Variants in ANKRD40 observed in about 807,000 individuals in gnomAD.
ANKRD40 encodes the protein ankyrin repeat domain 40, also known as ankyrin repeat domain-containing protein 40.
In ANKRD40, 24 loss-of-function variants were observed where a neutral mutation model predicts 35.5. That is an observed-to-expected ratio of 0.68 (90% CI 0.49 to 0.95). ANKRD40 has a LOEUF of 0.95. ANKRD40 is among the 40% of genes least tolerant of loss of function. The pLI is 0.00. For synonymous variants in ANKRD40, 147 were observed against 173.5 expected (o/e 0.85, Z 1.20); for missense variants, 361 against 436.0 (o/e 0.83, Z 1.53).
At position 50,707,725 on chromosome 17, in the gene ANKRD40, C is replaced by G; in HGVS notation, c.-71G>C. The G allele has an allele frequency of 8.8e-7, 1 of 1,137,934 alleles. No homozygotes were observed. Among genetic ancestry groups the G allele is most frequent in the Non-Finnish European group, 1.1e-6 (1 of 919,024 alleles). 70.5% of individuals were successfully genotyped at this position (1,137,934 alleles called of 1,614,324 possible). ...CGCCCGGGGCCTGTCAGCGCCGCCG[C>G]CGTCGCCGCGGCCCGCTCCCGGCCA... On this transcript the variant is annotated 5_prime_UTR_variant, in exon 1 of 5. Transcript: ENST00000285243. The surrounding 1 kb of genome is among the most constrained non-coding windows in gnomAD (Gnocchi z 4.8).
Position 50,696,252 on chromosome 17 carries a change from A to C in ANKRD40, c.961-109T>G, listed in dbSNP as rs1294924490. On this transcript the variant is annotated intron_variant, in intron 4 of 4. Coordinates refer to ENST00000285243, the MANE Select transcript of ANKRD40 (RefSeq NM_052855.4). ...TCTTATTTCAAAACCTAGAAGAAAA[A>C]AAAAAATCCCTGTGGCAGGCTAAGT... is the stretch of plus-strand genomic sequence containing the variant. 3.9e-6 allele frequency: 5 copies of C among 1,277,528 alleles called. No individual in the cohort carries two copies. The Admixed American group carries it at 1.3e-4, about 33-fold the overall frequency. 79.1% of individuals were successfully genotyped at this position (1,277,528 alleles called of 1,614,324 possible). A position where few individuals can be genotyped will look rare whatever the true frequency, so the allele number is the denominator to read the frequency against.
Position 50,693,363 on chromosome 17 carries a change from CTT to C in ANKRD40, c.*2632_*2633del, listed in dbSNP as rs2146653636. Reference sequence around the variant, plus strand: ...AGTTAACAAAGCTAAAAAAAAAATCCTTGTTATAAATTACACAAAGCATATAA... The same window carrying C: ...AGTTAACAAAGCTAAAAAAAAAATCCGTTATAAATTACACAAAGCATATAA... On this transcript the variant is annotated 3_prime_UTR_variant, in exon 5 of 5. Coordinates refer to ENST00000285243, the MANE Select transcript of ANKRD40 (RefSeq NM_052855.4). 1 of 152,208 alleles carries C rather than the reference CTT, an allele frequency of 6.6e-6. No individual in the cohort carries two copies. Among genetic ancestry groups the C allele is most frequent in the South Asian group, 2.1e-4 (1 of 4,828 alleles). The allele number at this position is 152,208 out of a possible 1,614,324, so 9.4% of individuals were successfully genotyped here.
At chr17:50,696,595 G>A in intron 4 of ANKRD40, 1 of 232,172 alleles carries the variant, frequency 4.3e-6, no homozygotes, top group Non-Finnish European at 8.3e-6. Context: ...ACACGTGAAT[G>A]ATAATTCAGA....
chr17:50,702,854 T>C (rs1968287234), intron 1 of ANKRD40, among the ~76,000 whole-genome samples: 1 of 152,194 alleles, frequency 6.6e-6, no homozygotes, highest in Non-Finnish European at 1.5e-5. Flanking sequence ...TCAGAGCCCC[T>C]GCAGCCAGGT....
intron 3 of ANKRD40, 76 bp from the exon 4 acceptor site, chr17:50,697,197 A>G: frequency 7.3e-7 from 1 of 1,362,964 alleles, no homozygotes; most frequent in South Asian, 1.4e-5. Flanking sequence ...CTTTTCCAGA[A>G]GATGGTTATA....
At chr17:50,705,939 G>A (rs907895503) in intron 1 of ANKRD40, among the ~76,000 whole-genome samples, 5 of 149,826 alleles carry the variant, frequency 3.3e-5, no homozygotes, top group African/African-American at 7.4e-5. Context: ...GATTACAGGC[G>A]TCAGCCACCG....
At position 50,695,982 on chromosome 17, in the gene ANKRD40, A is replaced by AGTATT. The variant is rs748782574; in HGVS notation, c.*14_*15insAATAC. The AGTATT allele has an allele frequency of 6.2e-7, 1 of 1,613,708 alleles. No individual in the cohort carries two copies. The highest frequency in any genetic ancestry group is 1.1e-5 in the South Asian group (1 of 91,062). On this transcript the variant is annotated 3_prime_UTR_variant, in exon 5 of 5. Coordinates refer to ENST00000285243, the MANE Select transcript of ANKRD40 (RefSeq NM_052855.4). The stretch of plus-strand genomic sequence containing the variant: ...CACACTGTCATAATACTCAGTGATA[A>AGTATT]AAGTCCCTGCTGCATTAGTAAGTCA...
chr17:50,697,134 G>A lies in ANKRD40; in HGVS notation c.779-13C>T. Reference sequence around the variant, plus strand: ...TTGAGTACCAGCTCTAGAAAAAAAAGGAGAAATGTTAATGAATAGTTCTGG... The same window carrying A: ...TTGAGTACCAGCTCTAGAAAAAAAAAGAGAAATGTTAATGAATAGTTCTGG... On this transcript the variant is annotated splice_polypyrimidine_tract_variant and intron_variant, in intron 3 of 4. Transcript: ENST00000285243. 2.5e-6 allele frequency: 4 copies of A among 1,604,278 alleles called. No homozygotes were observed. The highest frequency in any genetic ancestry group is 2.2e-5 in the East Asian group (1 of 44,824).
At chr17:50,697,829 C>T (rs1968217989) in intron 3 of ANKRD40, among the ~76,000 whole-genome samples, 1 of 152,134 alleles carries the variant, frequency 6.6e-6, no homozygotes, top group South Asian at 2.1e-4. Flanking sequence ...CCCCAGGTCA[C>T]TGTTAGCACC....
chr17:50,699,929 T>C (rs918938161), intron 2 of ANKRD40, 36 bp from the exon 3 acceptor site: 4 of 1,435,780 alleles, frequency 2.8e-6, no homozygotes, highest in Non-Finnish European at 3.7e-6. Context: ...TACACAGTCC[T>C]TTCAAAATTA....
Position 50,707,688 on chromosome 17 carries a change from CCT to C in ANKRD40, c.-36_-35del. On this transcript the variant is annotated 5_prime_UTR_variant, in exon 1 of 5. Coordinates refer to ENST00000285243, the MANE Select transcript of ANKRD40 (RefSeq NM_052855.4). This position sits in a 1 kb window ranked among gnomAD's most constrained non-coding sequence, Gnocchi z 4.8. ...AGCCCCAGGCCCCCGCCCAGGCCCG[CCT>C]GCCCCGCCCCGCCCGGGGCCTGTCA... The C allele has an allele frequency of 7.5e-7, 1 of 1,341,930 alleles. No homozygotes were observed. The highest frequency in any genetic ancestry group is 1.5e-5 in the African/African-American group (1 of 65,844). The allele number at this position is 1,341,930 out of a possible 1,614,324, so 83.1% of individuals were successfully genotyped here. A position where few individuals can be genotyped will look rare whatever the true frequency, so the allele number is the denominator to read the frequency against.
At position 50,696,084 on chromosome 17, in the gene ANKRD40, A is replaced by T; in HGVS notation, c.1020T>A (p.Ser340Arg). 3 of 1,614,196 alleles carry T rather than the reference A, an allele frequency of 1.9e-6. No homozygotes were observed. The highest frequency in any genetic ancestry group is 2.5e-6 in the Non-Finnish European group (3 of 1,180,028). Residue 340 changes from serine (S) to arginine (R), a missense_variant, in exon 5 of 5, where the codon AGT becomes AGA. By Grantham distance (110) the Ser-to-Arg change is moderately radical. Around this residue, in one of 5 missense-constraint regions of ANKRD40, gnomAD observed 93 missense variants for 129.6 expected, o/e 0.72. Coordinates refer to ENST00000285243, the MANE Select transcript of ANKRD40 (RefSeq NM_052855.4). ...CATTTCTGAACAGAAAATTATTTTC[A>T]CTTATCATCAGAACCAGTTCCAGCT... Reference protein sequence around the residue: ...FQELELVLMISENNFLFRNAA... With the variant: ...FQELELVLMIRENNFLFRNAA...
At chr17:50,696,187 C>A in intron 4 of ANKRD40, 44 bp from the exon 5 acceptor site, 1 of 1,594,408 alleles carries the variant, frequency 6.3e-7, no homozygotes, top group Non-Finnish European at 8.5e-7. Context: ...AGCCACTTGT[C>A]TCCATATGTT....
At position 50,695,306 on chromosome 17, in the gene ANKRD40, T is replaced by C. The variant is rs1295951750; in HGVS notation, c.*691A>G. 2 of 152,262 alleles carry C rather than the reference T, an allele frequency of 1.3e-5. No individual in the cohort carries two copies. Among genetic ancestry groups the C allele is most frequent in the Admixed American group, 6.5e-5 (1 of 15,272 alleles). 9.4% of individuals were successfully genotyped at this position (152,262 alleles called of 1,614,324 possible). ...CCACGAAGGGGAGTTAATGCAGAGA[T>C]GACTCGAGACAGAGAAGCAGTCATG... On this transcript the variant is annotated 3_prime_UTR_variant, in exon 5 of 5. Transcript: ENST00000285243.
At chr17:50,698,142 C>A (rs1968221834) in intron 3 of ANKRD40, among the ~76,000 whole-genome samples, 1 of 151,594 alleles carries the variant, frequency 6.6e-6, no homozygotes, top group Non-Finnish European at 1.5e-5. Context: ...GCTGTGTGCC[C>A]TAAATACCAT....
chr17:50,703,437 G>C (rs915535909), intron 1 of ANKRD40, among the ~76,000 whole-genome samples: 3 of 152,178 alleles, frequency 2.0e-5, no homozygotes, highest in Admixed American at 1.3e-4. Flanking sequence ...TAGTAAAGCA[G>C]GGAAAGGCAT....
At chr17:50,702,261 G>A (rs1463739454) in intron 1 of ANKRD40, among the ~76,000 whole-genome samples, 4 of 152,106 alleles carry the variant, frequency 2.6e-5, no homozygotes, top group Non-Finnish European at 5.9e-5. Context: ...AAAAATTAGT[G>A]TGATGGTGCA....
At chr17:50,703,331 CA>C (rs1329632823) in intron 1 of ANKRD40, among the ~76,000 whole-genome samples, 1 of 152,092 alleles carries the variant, frequency 6.6e-6, no homozygotes. Flanking sequence ...ATACTACTGT[CA>C]ACATTCCCCC....
Position 50,707,813 on chromosome 17 carries a change from T to G in ANKRD40, c.-159A>C. ...CCGCTGCCCGCGCCCGCCCCGGGAC[T>G]TCCGCTCCCTCCCGCGGGCCGCCCC... On this transcript the variant is annotated 5_prime_UTR_variant, in exon 1 of 5. Transcript: ENST00000285243. The surrounding 1 kb of genome is among the most constrained non-coding windows in gnomAD (Gnocchi z 4.8). 1 of 308,322 alleles carries G rather than the reference T, an allele frequency of 3.2e-6. No homozygotes were observed. 19.1% of individuals were successfully genotyped at this position (308,322 alleles called of 1,614,324 possible). A position where few individuals can be genotyped will look rare whatever the true frequency, so the allele number is the denominator to read the frequency against.
Sources: allele counts gnomAD v4.1 joint callset (sites outside exome capture counted in the v4.1 genomes callset), GRCh38; gene constraint gnomAD v4.1.1; regional missense constraint gnomAD v4.1.1; non-coding constraint Gnocchi (gnomAD v3.1); transcripts MANE v1.5; gene names NCBI Gene and HGNC (gene_info 2026-07-23, HGNC 2026-07-21).